The following CD69 variants were observed in gnomAD, a reference collection of about 807,000 sequenced individuals.
CD69 encodes the protein CD69 molecule, also known as early activation antigen CD69.
A neutral mutation model predicts 21.4 loss-of-function variants in CD69; 10 were observed. The ratio of observed to expected loss-of-function variants is 0.47; its 90% CI spans 0.29 to 0.79. The LOEUF is 0.79. Among genes scored for constraint, CD69 ranks in the 30% least tolerant of loss-of-function variants. The pLI, the probability that CD69 is intolerant of heterozygous loss-of-function variation, is 0.09. For synonymous variants in CD69, 63 were observed against 78.2 expected (o/e 0.81, Z 1.03); for missense variants, 204 against 236.9 (o/e 0.86, Z 0.91).
intron 1 of CD69, among the ~76,000 whole-genome samples, chr12:9,756,951 G>A (rs977910582): frequency 2.6e-5 from 4 of 152,184 alleles, no homozygotes; most frequent in South Asian, 2.1e-4. Flanking sequence ...ATGGTGGCAC[G>A]CACTTGTGTT....
In CD69 at chr12:9,760,892, T is replaced by C; in HGVS notation, c.-72A>G. ...CAGTGAAAGTCTTTGCTGGAGCTCT[T>C]GTTGAGTCTGTGAGGCTCTGAGGCA... On this transcript the variant is annotated 5_prime_UTR_variant, in exon 1 of 5. Coordinates refer to ENST00000228434, the MANE Select transcript of CD69 (RefSeq NM_001781.2). 7.9e-7 allele frequency: 1 copy of C among 1,263,742 alleles called. No individual in the cohort carries two copies. The highest frequency in any genetic ancestry group is 1.2e-5 in the South Asian group (1 of 84,114). The allele number at this position is 1,263,742 out of a possible 1,614,324, so 78.3% of individuals were successfully genotyped here.
At chr12:9,754,803 G>A in intron 3 of CD69, 113 bp from the exon 4 acceptor site, 1 of 778,432 alleles carries the variant, frequency 1.3e-6, no homozygotes, top group South Asian at 1.5e-5. Context: ...ATCTGACCAT[G>A]TACTCATTCT....
rs1866644704 is a variant in CD69, at chr12:9,753,293, A to G, written c.*188T>C. ...CTAGCTCATGGCAATAAAAGCCCACAGTGCAGATTTTCCTGGAATTTCTTC... is the reference window on the plus strand; with the variant it reads ...CTAGCTCATGGCAATAAAAGCCCACGGTGCAGATTTTCCTGGAATTTCTTC... On this transcript the variant is annotated 3_prime_UTR_variant, in exon 5 of 5. Coordinates refer to ENST00000228434, the MANE Select transcript of CD69 (RefSeq NM_001781.2). The G allele has an allele frequency of 7.8e-6, 3 of 383,024 alleles. No homozygotes were observed. The highest frequency in any genetic ancestry group is 6.8e-5 in the South Asian group (1 of 14,686). 23.7% of individuals were successfully genotyped at this position (383,024 alleles called of 1,614,324 possible).
At chr12:9,757,106 A>G (rs772729699) in intron 1 of CD69, among the ~76,000 whole-genome samples, 1 of 152,014 alleles carries the variant, frequency 6.6e-6, no homozygotes, top group African/African-American at 2.4e-5. Context: ...AATAAATAAA[A>G]AATTCTAGCA....
chr12:9,760,836 T>G lies in CD69; in HGVS notation c.-16A>C. 1 of 1,604,584 alleles carries G rather than the reference T, an allele frequency of 6.2e-7. No individual in the cohort carries two copies. Among genetic ancestry groups the G allele is most frequent in the Non-Finnish European group, 8.5e-7 (1 of 1,174,230 alleles). On this transcript the variant is annotated 5_prime_UTR_variant, in exon 1 of 5. Coordinates refer to ENST00000228434, the MANE Select transcript of CD69 (RefSeq NM_001781.2). ...CAGAGCTCATCTTTATTCTCAAGATTCCCTAGTTAATCTCAGGTCAAGTCA... is the reference window on the plus strand; with the variant it reads ...CAGAGCTCATCTTTATTCTCAAGATGCCCTAGTTAATCTCAGGTCAAGTCA...
chr12:9,752,634 G>A lies in CD69; in HGVS notation c.*847C>T, dbSNP rs1866639294. The A allele has an allele frequency of 6.6e-6, 1 of 152,582 alleles. No individual in the cohort carries two copies. Among genetic ancestry groups the A allele is most frequent in the Non-Finnish European group, 1.5e-5 (1 of 68,014 alleles). The allele number at this position is 152,582 out of a possible 1,614,324, so 9.5% of individuals were successfully genotyped here. On this transcript the variant is annotated 3_prime_UTR_variant, in exon 5 of 5. Transcript: ENST00000228434. ...CACGTAATAGAATTGATTTAGGAAA[G>A]TCACAAACCTATTATAAGACTAGTA...
intron 1 of CD69, among the ~76,000 whole-genome samples, chr12:9,760,105 G>A (rs1054826693): frequency 5.3e-5 from 8 of 151,916 alleles, no homozygotes; most frequent in Non-Finnish European, 7.4e-5. Context: ...TTGCATTTTC[G>A]GGAATTCTTT....
At position 9,753,508 on chromosome 12, in the gene CD69, G is replaced by A. The variant is rs1190309267; in HGVS notation, c.573C>T (p.Tyr191=). 1 of 1,513,428 alleles carries A rather than the reference G, an allele frequency of 6.6e-7. No homozygotes were observed. The highest frequency in any genetic ancestry group is 1.1e-5 in the South Asian group (1 of 88,426). The allele number at this position is 1,513,428 out of a possible 1,614,324, so 93.7% of individuals were successfully genotyped here. A position where few individuals can be genotyped will look rare whatever the true frequency, so the allele number is the denominator to read the frequency against. The change falls in exon 5 of 5, where the codon TAC becomes TAT. Residue 191 remains tyrosine, a synonymous_variant. Transcript: ENST00000228434. ...VSSMECEKNL[Y]WICNKPYK is the part of the protein sequence containing the mutation. ...ATTTGTAAGGTTTGTTACATATCCAGTATAAATTCTTCTCACATTCCATGC... is the reference window on the plus strand; with the variant it reads ...ATTTGTAAGGTTTGTTACATATCCAATATAAATTCTTCTCACATTCCATGC...
chr12:9,760,317 A>T (rs1315751037), intron 1 of CD69, among the ~76,000 whole-genome samples: 1 of 152,204 alleles, frequency 6.6e-6, no homozygotes, highest in African/African-American at 2.4e-5. Flanking sequence ...GGAAAACAGA[A>T]TTTTTCATAA....
intron 1 of CD69, among the ~76,000 whole-genome samples, chr12:9,759,112 G>A (rs1447932758): frequency 6.6e-6 from 1 of 151,936 alleles, no homozygotes; most frequent in African/African-American, 2.4e-5. Context: ...TGTATTTTTA[G>A]TACAGACGGG....
intron 4 of CD69, among the ~76,000 whole-genome samples, chr12:9,753,803 C>T (rs1386848233): frequency 1.3e-5 from 2 of 152,072 alleles, no homozygotes; most frequent in East Asian, 3.9e-4. Flanking sequence ...GAGGAAAGCA[C>T]GCCATTCATT....
At chr12:9,753,702 T>C in intron 4 of CD69, 113 bp from the exon 5 acceptor site, 2 of 505,284 alleles carry the variant, frequency 4.0e-6, no homozygotes, top group Non-Finnish European at 3.6e-6. Context: ...CTTAGTGGGA[T>C]ACACAAGTCA....
At position 9,760,895 on chromosome 12, in the gene CD69, T is replaced by G. The variant is rs142310882; in HGVS notation, c.-75A>C. The G allele has an allele frequency of 9.4e-4, 1,122 of 1,196,466 alleles. 7 individuals are homozygous for G. The African/African-American group carries it at 0.015, about 16-fold the overall frequency. The allele number at this position is 1,196,466 out of a possible 1,614,324, so 74.1% of individuals were successfully genotyped here. A position where few individuals can be genotyped will look rare whatever the true frequency, so the allele number is the denominator to read the frequency against. On this transcript the variant is annotated 5_prime_UTR_variant, in exon 1 of 5. Transcript: ENST00000228434. ...TGAAAGTCTTTGCTGGAGCTCTTGT[T>G]GAGTCTGTGAGGCTCTGAGGCATCT...
At chr12:9,759,939 G>A (rs1006912594) in intron 1 of CD69, among the ~76,000 whole-genome samples, 1 of 152,198 alleles carries the variant, frequency 6.6e-6, no homozygotes. Context: ...AAATAGAAGA[G>A]AGGAAAATTT....
chr12:9,760,718 A>G, intron 1 of CD69, 39 bp downstream of exon 1: 1 of 1,417,748 alleles, frequency 7.1e-7, no homozygotes, highest in Non-Finnish European at 1.0e-6. Context: ...TCATATATAG[A>G]GATACCAGAG....
intron 1 of CD69, among the ~76,000 whole-genome samples, chr12:9,756,925 A>G (rs1866684455): frequency 6.6e-6 from 1 of 152,114 alleles, no homozygotes; most frequent in East Asian, 1.9e-4. Flanking sequence ...CCAAAAATAC[A>G]AAAAATTAGC....
chr12:9,759,543 T>C (rs1866713974), intron 1 of CD69, among the ~76,000 whole-genome samples: 1 of 151,506 alleles, frequency 6.6e-6, no homozygotes, highest in Non-Finnish European at 1.5e-5. Flanking sequence ...CCGTAAGTAA[T>C]GGCTCGCCTG....
At chr12:9,756,167 T>C in intron 2 of CD69, 130 bp downstream of exon 2, 1 of 665,646 alleles carries the variant, frequency 1.5e-6, no homozygotes, top group Non-Finnish European at 2.4e-6. Context: ...AAATTGGCCA[T>C]ATATGGTACA....
At position 9,753,451 on chromosome 12, in the gene CD69, T is replaced by C. The variant is rs920535869; in HGVS notation, c.*30A>G. On this transcript the variant is annotated 3_prime_UTR_variant, in exon 5 of 5. Coordinates refer to ENST00000228434, the MANE Select transcript of CD69 (RefSeq NM_001781.2). ...ACAGATTTCCTTGAGTTCCATTCTA[T>C]AATAGTCAATAAGTGAACATGTTTC... The C allele has an allele frequency of 2.1e-6, 2 of 958,020 alleles. No homozygotes were observed. The highest frequency in any genetic ancestry group is 1.6e-5 in the African/African-American group (1 of 61,716). The allele number at this position is 958,020 out of a possible 1,614,324, so 59.3% of individuals were successfully genotyped here. A position where few individuals can be genotyped will look rare whatever the true frequency, so the allele number is the denominator to read the frequency against.
Sources: gnomAD v4.1 joint callset for allele counts (sites outside exome capture counted in the v4.1 genomes callset) on GRCh38, gnomAD v4.1.1 for gene constraint, MANE v1.5 for transcripts, NCBI Gene and HGNC (gene_info 2026-07-23, HGNC 2026-07-21) for gene names.